ARMC2: variants seen among roughly 807,000 people sequenced by gnomAD.
ARMC2 encodes armadillo repeat-containing protein 2.
A neutral mutation model predicts 90.3 loss-of-function variants in ARMC2; 67 were observed. That is an observed-to-expected ratio of 0.74 (90% CI 0.61 to 0.91). ARMC2 has a LOEUF of 0.91. Ranked by LOEUF, ARMC2 falls within the 40% of genes least tolerant of loss-of-function variation. The pLI, the probability that ARMC2 is intolerant of heterozygous loss-of-function variation, is 0.00. For missense variants in ARMC2, 920 were observed against 1,030.9 expected (o/e 0.89, Z 1.47); for synonymous variants, 393 against 393.0 (o/e 1.00, Z 0.00).
At chr6:109,035,422 G>A in the ARMC2 span, among the ~76,000 whole-genome samples, 2 of 152,046 alleles carry the variant, frequency 1.3e-5, no homozygotes, top group African/African-American at 4.8e-5. Flanking sequence ...AAAAGACTGA[G>A]TATAAAAGGT....
At chr6:108,989,547 C>A in the ARMC2 span, among the ~76,000 whole-genome samples, 23 of 102,434 alleles carry the variant, frequency 2.2e-4, no homozygotes, top group African/African-American at 3.2e-4. Flanking sequence ...AGAGATATCT[C>A]TAGATCTAGA....
chr6:108,966,331 AATG>A (rs1182256242), intron 17 of ARMC2, among the ~76,000 whole-genome samples: 6 of 152,028 alleles, frequency 3.9e-5, no homozygotes, highest in Non-Finnish European at 8.8e-5. Flanking sequence ...GCCGTTCCGA[AATG>A]ATATTTTATC....
chr6:109,013,876 C>T, the ARMC2 span, among the ~76,000 whole-genome samples: 3 of 152,214 alleles, frequency 2.0e-5, no homozygotes, highest in Non-Finnish European at 4.4e-5. Context: ...TCTCCTCCAG[C>T]TCATATCTTC....
intron 10 of ARMC2, among the ~76,000 whole-genome samples, chr6:108,914,843 T>C (rs1408774637): frequency 1.3e-5 from 2 of 152,146 alleles, no homozygotes; most frequent in Non-Finnish European, 2.9e-5. Context: ...ACTGACTGAC[T>C]TTTCACCAGC....
Position 108,916,235 on chromosome 6 carries a change from G to A in ARMC2, c.1350+3677G>A, listed in dbSNP as rs561686264. On this transcript the variant is annotated intron_variant, in intron 10 of 17. Coordinates refer to ENST00000392644, the MANE Select transcript of ARMC2 (RefSeq NM_032131.6). Reference sequence around the variant, plus strand: ...ACAAGTTTTGTGGCGTGGCTGCTCTGTGTCAAACATGTTCTGGGTGATGAG... The same window carrying A: ...ACAAGTTTTGTGGCGTGGCTGCTCTATGTCAAACATGTTCTGGGTGATGAG... Among the ~76,000 whole-genome samples the A allele has an allele frequency of 2.6e-4, 40 of 152,316 alleles. 1 individual carries two copies. The highest frequency in any genetic ancestry group is 9.4e-4 in the African/African-American group (39 of 41,564).
At chr6:108,938,374 C>T (rs895572504) in intron 12 of ARMC2, among the ~76,000 whole-genome samples, 1 of 151,314 alleles carries the variant, frequency 6.6e-6, no homozygotes, top group African/African-American at 2.4e-5. Context: ...GCTTTAGCCT[C>T]CCAAGTAGGG....
chr6:109,017,856 A>G, the ARMC2 span, among the ~76,000 whole-genome samples: 23 of 152,280 alleles, frequency 1.5e-4, no homozygotes, highest in East Asian at 2.5e-3. Context: ...TTTCAGCTCT[A>G]AAGTTCTAAT....
chr6:108,960,208 G>T (rs6651000), intron 13 of ARMC2, among the ~76,000 whole-genome samples: 17,851 of 149,674 alleles, frequency 0.12, 1,094 homozygotes, highest in Middle Eastern at 0.2. Flanking sequence ...TATGTGCACC[G>T]GCGGGGGACA....
the ARMC2 span, among the ~76,000 whole-genome samples, chr6:109,030,034 A>G: frequency 1.3e-5 from 2 of 152,304 alleles, no homozygotes; most frequent in Non-Finnish European, 2.9e-5. Context: ...TCTGCACCCA[A>G]TATAAGTGGC....
chr6:108,905,337 A>G (rs905129044), intron 8 of ARMC2, among the ~76,000 whole-genome samples: 8 of 152,364 alleles, frequency 5.3e-5, no homozygotes, highest in East Asian at 1.9e-4. Context: ...GGGAGGCTAC[A>G]TTCTTATTCA....
At chr6:109,027,966 T>C in the ARMC2 span, among the ~76,000 whole-genome samples, 2 of 152,228 alleles carry the variant, frequency 1.3e-5, no homozygotes, top group African/African-American at 4.8e-5. Context: ...TGAATACAAG[T>C]ACTTTGATAT....
At chr6:108,927,315 C>G (rs537315436) in intron 10 of ARMC2, among the ~76,000 whole-genome samples, 1 of 152,194 alleles carries the variant, frequency 6.6e-6, no homozygotes, top group Admixed American at 6.5e-5. Context: ...AGGGAAGTAT[C>G]ATCACCTCTA....
At chr6:109,025,055 G>C in the ARMC2 span, among the ~76,000 whole-genome samples, 1 of 152,116 alleles carries the variant, frequency 6.6e-6, no homozygotes, top group African/African-American at 2.4e-5. Flanking sequence ...CAGCAGCACA[G>C]AAAACAGAAG....
At chr6:108,852,697 A>G (rs1179862058) in intron 1 of ARMC2, among the ~76,000 whole-genome samples, 5 of 152,150 alleles carry the variant, frequency 3.3e-5, no homozygotes, top group African/African-American at 9.7e-5. Flanking sequence ...ACTTTTGGAC[A>G]TTGTTAGACT....
At chr6:108,920,359 G>GTAT (rs1309499611) in intron 10 of ARMC2, among the ~76,000 whole-genome samples, 2 of 151,896 alleles carry the variant, frequency 1.3e-5, no homozygotes, top group African/African-American at 4.8e-5. Context: ...TTTTAATGAT[G>GTAT]TATTTGTTAA....
intron 12 of ARMC2, among the ~76,000 whole-genome samples, chr6:108,947,039 A>G (rs907021275): frequency 2.0e-5 from 3 of 152,164 alleles, no homozygotes; most frequent in Admixed American, 6.6e-5. Context: ...TTTTGAGCAA[A>G]GGGAAGAGCT....
intron 5 of ARMC2, among the ~76,000 whole-genome samples, chr6:108,890,927 C>A (rs1662457481): frequency 6.7e-6 from 1 of 149,122 alleles, no homozygotes; most frequent in South Asian, 2.2e-4. Flanking sequence ...CCCGACAGGC[C>A]CCAGTGTGTG....
intron 5 of ARMC2, among the ~76,000 whole-genome samples, chr6:108,885,224 AGG>A (rs995687297): frequency 2.7e-5 from 2 of 73,126 alleles, no homozygotes; most frequent in African/African-American, 8.0e-5. Context: ...AAAGGTGCCA[AGG>A]GGTGTGTGTG....
intron 4 of ARMC2, among the ~76,000 whole-genome samples, chr6:108,870,581 AAAGGAAAGAAAAAAGGAAAG>A (rs938206311): frequency 1.3e-5 from 2 of 151,436 alleles, no homozygotes; most frequent in Non-Finnish European, 2.9e-5. Context: ...GGGAAGGAGG[AAAGGAAAGAAAAAAGGAAAG>A]AAGGAAAGAA....
Sources: gnomAD v4.1 joint callset for allele counts (sites outside exome capture counted in the v4.1 genomes callset) on GRCh38, gnomAD v4.1.1 for gene constraint, MANE v1.5 for transcripts, NCBI Gene and HGNC (gene_info 2026-07-23, HGNC 2026-07-21) for gene names.